The following PHC2 variants were observed in gnomAD, a reference collection of about 807,000 sequenced individuals.
PHC2 encodes polyhomeotic homolog 2, also known as polyhomeotic-like protein 2.
Under a neutral mutation model 87.4 loss-of-function variants are expected in PHC2, and 29 were observed. The observed-to-expected ratio is 0.33, with a 90% confidence interval of 0.25 to 0.45. The LOEUF is 0.45. Ranked by LOEUF, PHC2 falls within the 20% of genes least tolerant of loss-of-function variation. The probability of loss-of-function intolerance (pLI) is 1.00; values close to 1 mark genes in which losing one functional copy is unlikely to be tolerated. For missense variants in PHC2, 857 were observed against 1,136.7 expected (o/e 0.75, Z 3.54); for synonymous variants, 438 against 461.7 (o/e 0.95, Z 0.66).
chr1:33,362,048 C>G (rs1647206008), intron 7 of PHC2, among the ~76,000 whole-genome samples: 1 of 152,226 alleles, frequency 6.6e-6, no homozygotes, highest in African/African-American at 2.4e-5. Context: ...CTGCTTTTCC[C>G]ACTGTAACGC....
rs34468965 is a variant in PHC2 at position 33,364,390 on chromosome 1, TCACACACACA to T, written c.976+2716_976+2725del. Among the ~76,000 whole-genome samples, 736 of 106,778 alleles carry T rather than the reference TCACACACACA, an allele frequency of 6.9e-3. 13 individuals are homozygous for T. Among genetic ancestry groups the T allele is most frequent in the African/African-American group, 0.033 (692 of 20,776 alleles). 70.1% of individuals were successfully genotyped at this position (106,778 alleles called of 152,430 possible). On this transcript the variant is annotated intron_variant, in intron 7 of 14. Transcript: ENST00000683057. This position sits in a 1 kb window ranked among gnomAD's most constrained non-coding sequence, Gnocchi z 4.1. ...CACACACACACACACACACTTGCTTTCACACACACACACACACACACACACACACACACAC... is the reference window on the plus strand; with the variant it reads ...CACACACACACACACACACTTGCTTTCACACACACACACACACACACACAC...
chr1:33,326,103 G>A (rs981932174), intron 14 of PHC2: 2 of 301,534 alleles, frequency 6.6e-6, no homozygotes, highest in Non-Finnish European at 1.3e-5. Flanking sequence ...GTCTAGCTAA[G>A]GAGATTTTCA....
At chr1:33,376,917 GA>G (rs1305277012) in intron 1 of PHC2, among the ~76,000 whole-genome samples, 1 of 152,202 alleles carries the variant, frequency 6.6e-6, no homozygotes, top group Non-Finnish European at 1.5e-5. Context: ...GACAAAACCA[GA>G]AGGCAATCAA....
rs183595032 is a variant in PHC2, at chr1:33,417,906, C to T, written c.-55+13070G>A. Among the ~76,000 whole-genome samples the T allele has an allele frequency of 3.4e-3, 524 of 152,124 alleles. 1 individual carries two copies. Among genetic ancestry groups the T allele is most frequent in the South Asian group, 0.011 (52 of 4,826 alleles). ...TCTCTAAGCATAACAGAATTATACT[C>T]GAAAGCAATAACAGAAAGCCATTAG... On this transcript the variant is annotated intron_variant, in intron 1 of 14. Transcript: ENST00000683057.
intron 1 of PHC2, among the ~76,000 whole-genome samples, chr1:33,420,521 T>C (rs1368776435): frequency 6.6e-6 from 1 of 152,192 alleles, no homozygotes; most frequent in Non-Finnish European, 1.5e-5. Flanking sequence ...CACCCTACAT[T>C]ACACAGCAAT....
At chr1:33,376,303 G>A (rs1371634775) in intron 1 of PHC2, among the ~76,000 whole-genome samples, 1 of 152,150 alleles carries the variant, frequency 6.6e-6, no homozygotes, top group Non-Finnish European at 1.5e-5. Context: ...CCAAAGTGCT[G>A]GGATTATAGG....
chr1:33,385,096 G>A (rs1648673395), intron 1 of PHC2, among the ~76,000 whole-genome samples: 1 of 152,184 alleles, frequency 6.6e-6, no homozygotes, highest in Admixed American at 6.5e-5. Context: ...TGGGAATGGA[G>A]AGGGGAAATG....
intron 1 of PHC2, among the ~76,000 whole-genome samples, chr1:33,429,552 A>T (rs1650815196): frequency 2.0e-5 from 3 of 152,234 alleles, no homozygotes; most frequent in Admixed American, 2.0e-4. Flanking sequence ...TGGTCCTCTC[A>T]GACAGCTAAT....
chr1:33,365,876 T>A (rs1436790419), intron 7 of PHC2, among the ~76,000 whole-genome samples: 1 of 99,204 alleles, frequency 1.0e-5, no homozygotes, highest in Non-Finnish European at 1.7e-5. Context: ...CCCCACTCTG[T>A]CTGTCAGGTC....
intron 12 of PHC2, among the ~76,000 whole-genome samples, chr1:33,330,985 A>G (rs1044220005): frequency 7.9e-5 from 12 of 152,202 alleles, no homozygotes; most frequent in Non-Finnish European, 1.6e-4. Flanking sequence ...TTAGTGATCT[A>G]TGCTGGGCGA....
In PHC2 at chr1:33,329,094, C is replaced by G; in HGVS notation, c.2201G>C (p.Ser734Thr). 6.2e-7 allele frequency: 1 copy of G among 1,614,174 alleles called. No homozygotes were observed. The highest frequency in any genetic ancestry group is 1.7e-5 in the Admixed American group (1 of 60,030). Residue 734 changes from serine to threonine, a missense_variant, in exon 14 of 15, where the codon AGC (serine) becomes ACC (threonine). By Grantham distance (58) the Ser-to-Thr change is moderately conservative. Coordinates refer to ENST00000683057, the MANE Select transcript of PHC2 (RefSeq NM_001385109.1). ...SVTAALQLTHSQEDSSRCSDN... is the reference protein window; with the variant it reads ...SVTAALQLTHTQEDSSRCSDN... ...TGAGCAACGGCTGGAGTCTTCCTGG[C>G]TGTGTGTTAGCTGCAAAGCAGCAGT... is the stretch of plus-strand genomic sequence containing the variant.
At chr1:33,346,424 A>G (rs944454143) in intron 9 of PHC2, 26 of 985,294 alleles carry the variant, frequency 2.6e-5, no homozygotes, top group Non-Finnish European at 3.0e-5. Context: ...TCAATTATGA[A>G]GACTCCTCAT....
intron 14 of PHC2, chr1:33,325,974 G>A (rs1646362669): frequency 2.3e-6 from 1 of 444,040 alleles, no homozygotes; most frequent in Non-Finnish European, 4.5e-6. Flanking sequence ...AAAGGAAAGT[G>A]AGGAAACTCT....
At chr1:33,356,252 T>TATATATATAC (rs1553185636) in intron 7 of PHC2, among the ~76,000 whole-genome samples, 8 of 36,680 alleles carry the variant, frequency 2.2e-4, no homozygotes, top group Middle Eastern at 0.017. Flanking sequence ...AAAATTCTTA[T>TATATATATAC]ATATATATAT....
chr1:33,343,708 T>C (rs1247216968), intron 9 of PHC2, among the ~76,000 whole-genome samples: 1 of 152,190 alleles, frequency 6.6e-6, no homozygotes, highest in Non-Finnish European at 1.5e-5. Flanking sequence ...CATTCTAATC[T>C]CACTCTTTCA....
chr1:33,334,966 T>C lies in PHC2; in HGVS notation c.1559-674A>G, dbSNP rs543530783. ...CTGCTAGGCAGAGGCTGAGATTTTC[T>C]CTGCTGTTTCTGCTGAGCTGAGTGC... is the stretch of plus-strand genomic sequence containing the variant. On this transcript the variant is annotated intron_variant, in intron 9 of 14. Coordinates refer to ENST00000683057, the MANE Select transcript of PHC2 (RefSeq NM_001385109.1). The surrounding 1 kb of genome is among the most constrained non-coding windows in gnomAD (Gnocchi z 5.5). Among the ~76,000 whole-genome samples, 12 of 152,338 alleles carry C rather than the reference T, an allele frequency of 7.9e-5. No homozygotes were observed. In the South Asian group the frequency reaches 2.5e-3, roughly 32 times the overall value.
At chr1:33,329,247 T>C in intron 13 of PHC2, 101 bp from the exon 14 acceptor site, 2 of 1,262,236 alleles carry the variant, frequency 1.6e-6, no homozygotes, top group Admixed American at 4.4e-5. Context: ...GGCCTACTAC[T>C]ACACATCTGA....
chr1:33,333,632 T>C (rs999554066), intron 10 of PHC2: 3 of 166,906 alleles, frequency 1.8e-5, no homozygotes, highest in Non-Finnish European at 3.8e-5. Flanking sequence ...GTGACCCTGT[T>C]TCCTCACATT....
intron 1 of PHC2, among the ~76,000 whole-genome samples, chr1:33,386,146 G>A (rs1418969829): frequency 4.0e-5 from 6 of 151,850 alleles, no homozygotes; most frequent in African/African-American, 1.5e-4. Context: ...TCCTTGTTTA[G>A]CCTTTGTAAG....
Sources: allele counts gnomAD v4.1 joint callset (sites outside exome capture counted in the v4.1 genomes callset), GRCh38; gene constraint gnomAD v4.1.1; non-coding constraint Gnocchi (gnomAD v3.1); transcripts MANE v1.5; gene names NCBI Gene and HGNC (gene_info 2026-07-23, HGNC 2026-07-21).